Variants in ADRA1A observed in about 807,000 individuals in gnomAD.
ADRA1A encodes alpha-1A adrenergic receptor.
ADRA1A carries 31 observed loss-of-function variants against 29.6 expected under a neutral mutation model. That is an observed-to-expected ratio of 1.05 (90% CI 0.79 to 1.41). The LOEUF (loss-of-function observed/expected upper bound fraction) is 1.41. Among genes scored for constraint, ADRA1A ranks in the 40% most tolerant of loss-of-function variants. The probability of loss-of-function intolerance (pLI) is 0.00; values close to 1 mark genes in which losing one functional copy is unlikely to be tolerated. For missense variants in ADRA1A, 619 were observed against 601.1 expected (o/e 1.03, Z -0.31); for synonymous variants, 311 against 254.3 (o/e 1.22, Z -2.12).
At chr8:26,849,893 T>C (rs972133419) in intron 2 of ADRA1A, among the ~76,000 whole-genome samples, 1 of 151,364 alleles carries the variant, frequency 6.6e-6, no homozygotes, top group African/African-American at 2.4e-5. Flanking sequence ...GCCCACCATA[T>C]GGAGTGGGAT....
chr8:26,837,488 T>C (rs1811465506), intron 2 of ADRA1A, among the ~76,000 whole-genome samples: 1 of 151,888 alleles, frequency 6.6e-6, no homozygotes, highest in African/African-American at 2.4e-5. Context: ...CCATCTCTAT[T>C]AAAAACACAA....
chr8:26,834,417 G>T (rs1212355476), intron 2 of ADRA1A, among the ~76,000 whole-genome samples: 1 of 152,188 alleles, frequency 6.6e-6, no homozygotes, highest in Admixed American at 6.5e-5. Context: ...TGGGTGGAAA[G>T]GGGGAGCTTT....
At chr8:26,779,218 A>G (rs1481964538) in intron 2 of ADRA1A, 1 of 673,606 alleles carries the variant, frequency 1.5e-6, no homozygotes, top group Non-Finnish European at 2.7e-6. Flanking sequence ...CCCAATTAAC[A>G]GTTCCTGCCA....
chr8:26,811,427 C>A (rs530943885), intron 2 of ADRA1A, among the ~76,000 whole-genome samples: 1 of 152,072 alleles, frequency 6.6e-6, no homozygotes, highest in Non-Finnish European at 1.5e-5. Flanking sequence ...CTCCTGACCT[C>A]GTGATCCACC....
chr8:26,835,435 G>A (rs562289523), intron 2 of ADRA1A, among the ~76,000 whole-genome samples: 43 of 152,156 alleles, frequency 2.8e-4, no homozygotes, highest in Non-Finnish European at 5.1e-4. Flanking sequence ...TCATAGTTCC[G>A]TAGAGCTGGG....
intron 2 of ADRA1A, among the ~76,000 whole-genome samples, chr8:26,835,094 G>C (rs113525463): frequency 6.6e-6 from 1 of 152,036 alleles, no homozygotes; most frequent in African/African-American, 2.4e-5. Context: ...TCATGTTGCC[G>C]TATATGTCCT....
intron 2 of ADRA1A, among the ~76,000 whole-genome samples, chr8:26,802,724 A>G (rs1808677506): frequency 6.6e-6 from 1 of 152,192 alleles, no homozygotes; most frequent in Non-Finnish European, 1.5e-5. Context: ...ACTGCTAGGT[A>G]TATACCTAAA....
Position 26,769,410 on chromosome 8 carries a change from T to C in ADRA1A, c.*739A>G, listed in dbSNP as rs543345391. 3 of 985,460 alleles carry C rather than the reference T, an allele frequency of 3.0e-6. No homozygotes were observed. The highest frequency in any genetic ancestry group is 4.7e-5 in the South Asian group (1 of 21,288). The allele number at this position is 985,460 out of a possible 1,614,324, so 61.0% of individuals were successfully genotyped here. Reference sequence around the variant, plus strand: ...TTGAAAGAATGATGCTCAGGTCTATTGTTTTCTCTTGGGAAAAGCCATACC... The same window carrying C: ...TTGAAAGAATGATGCTCAGGTCTATCGTTTTCTCTTGGGAAAAGCCATACC... On this transcript the variant is annotated 3_prime_UTR_variant, in exon 3 of 3. Transcript: ENST00000380573.
chr8:26,798,577 G>A (rs1171160037), intron 2 of ADRA1A, among the ~76,000 whole-genome samples: 2 of 152,054 alleles, frequency 1.3e-5, no homozygotes, highest in Non-Finnish European at 2.9e-5. Flanking sequence ...TCAGTATCTT[G>A]ATGTTCATTT....
At chr8:26,839,586 G>A (rs1811667979) in intron 2 of ADRA1A, among the ~76,000 whole-genome samples, 1 of 152,172 alleles carries the variant, frequency 6.6e-6, no homozygotes, top group South Asian at 2.1e-4. Context: ...GTCAGGGTCT[G>A]TTCCTGTCTG....
chr8:26,835,410 A>G (rs1367708350), intron 2 of ADRA1A, among the ~76,000 whole-genome samples: 1 of 152,216 alleles, frequency 6.6e-6, no homozygotes, highest in Non-Finnish European at 1.5e-5. Flanking sequence ...TATAAAGGAA[A>G]GAGGTTTAAT....
intron 2 of ADRA1A, among the ~76,000 whole-genome samples, chr8:26,779,765 T>C (rs557261666): frequency 1.3e-5 from 2 of 152,298 alleles, no homozygotes; most frequent in African/African-American, 4.8e-5. Flanking sequence ...TCTGATTGCA[T>C]GAAGCGGGAA....
intron 2 of ADRA1A, chr8:26,772,193 A>G (rs776174095): frequency 1.3e-5 from 2 of 151,542 alleles, no homozygotes; most frequent in Non-Finnish European, 2.9e-5. Context: ...AATGCTTATT[A>G]AAGAGATTGT....
Position 26,756,790 on chromosome 8 carries a change from C to A in ADRA1A, c.1270-11G>T, listed in dbSNP as rs748194085. 3 of 1,610,452 alleles carry A rather than the reference C, an allele frequency of 1.9e-6. No homozygotes were observed. The African/African-American group carries it at 4.0e-5, about 22-fold the overall frequency. ...CATGGGTGTGTGTCCCTTTAAAACA[C>A]AAGGTAGACTAACATTTAATTAATC... On this transcript the variant is annotated splice_polypyrimidine_tract_variant and intron_variant, in intron 2 of 2. Coordinates refer to the ADRA1A transcript ENST00000380582.
chr8:26,846,857 G>A lies in ADRA1A; in HGVS notation c.883+17230C>T, dbSNP rs182305055. Among the ~76,000 whole-genome samples, 57 of 152,230 alleles carry A rather than the reference G, an allele frequency of 3.7e-4. 1 individual carries two copies. The highest frequency in any genetic ancestry group is 1.5e-3 in the Admixed American group (23 of 15,294). ...ATGATAGACTGGATTAAGAAAATAT[G>A]GCACATATACACCATGGAATACTAT... On this transcript the variant is annotated intron_variant, in intron 2 of 2. Transcript: ENST00000380573.
rs921955313 is a variant in ADRA1A at position 26,769,251 on chromosome 8, G to A, written c.*898C>T. The A allele has an allele frequency of 1.3e-5, 13 of 984,976 alleles. No homozygotes were observed. Among genetic ancestry groups the A allele is most frequent in the Non-Finnish European group, 1.2e-5 (10 of 829,652 alleles). 61.0% of individuals were successfully genotyped at this position (984,976 alleles called of 1,614,324 possible). On this transcript the variant is annotated 3_prime_UTR_variant, in exon 3 of 3. Transcript: ENST00000380573. ...TAAGCCATGTTGAAATGGCTGTGCA[G>A]TAAGTGAACAGCCTCTATCTTTGCA...
chr8:26,762,123 A>G (rs1805538823), downstream of ADRA1A, among the ~76,000 whole-genome samples: 1 of 152,080 alleles, frequency 6.6e-6, no homozygotes, highest in Non-Finnish European at 1.5e-5. This position sits in a 1 kb window ranked among gnomAD's most constrained non-coding sequence, Gnocchi z 4.0. Flanking sequence ...AGAGAAAGAG[A>G]AGGTTACTTT....
chr8:26,849,176 A>G (rs1013611092), intron 2 of ADRA1A, among the ~76,000 whole-genome samples: 1 of 152,264 alleles, frequency 6.6e-6, no homozygotes, highest in Non-Finnish European at 1.5e-5. Context: ...ACCAGCCTGA[A>G]TAAAAAACTG....
chr8:26,820,945 A>G (rs1361194221), intron 2 of ADRA1A, among the ~76,000 whole-genome samples: 2 of 152,038 alleles, frequency 1.3e-5, no homozygotes, highest in Non-Finnish European at 2.9e-5. Flanking sequence ...GCTGGAGAGC[A>G]GTGGTGCCAT....
Sources: allele counts gnomAD v4.1 joint callset (sites outside exome capture counted in the v4.1 genomes callset), GRCh38; gene constraint gnomAD v4.1.1; non-coding constraint Gnocchi (gnomAD v3.1); transcripts MANE v1.5; gene names NCBI Gene and HGNC (gene_info 2026-07-23, HGNC 2026-07-21).